PHACTR1: variants seen among roughly 807,000 people sequenced by gnomAD.
The protein encoded by PHACTR1 is RPEL repeat containing 1.
Under a neutral mutation model 69.2 loss-of-function variants are expected in PHACTR1, and 16 were observed. The observed-to-expected ratio is 0.23, with a 90% CI of 0.16 to 0.35. The LOEUF (loss-of-function observed/expected upper bound fraction) is 0.35, where lower values mean the gene tolerates loss of function less well. Ranked by LOEUF, PHACTR1 falls within the 10% of genes least tolerant of loss-of-function variation. PHACTR1 has a pLI of 1.00. For missense variants in PHACTR1, 510 were observed against 734.7 expected (o/e 0.69, Z 3.54); for synonymous variants, 312 against 284.5 (o/e 1.10, Z -0.97).
At chr6:12,912,439 G>A (rs1052342368) in intron 4 of PHACTR1, among the ~76,000 whole-genome samples, 3 of 152,160 alleles carry the variant, frequency 2.0e-5, no homozygotes, top group Admixed American at 2.0e-4. Flanking sequence ...GAGAGACTCC[G>A]TTGTCCAGTT....
At chr6:12,781,333 TAAGG>T (rs1770793459) in intron 4 of PHACTR1, among the ~76,000 whole-genome samples, 1 of 152,124 alleles carries the variant, frequency 6.6e-6, no homozygotes, top group South Asian at 2.1e-4. Context: ...CTGTCAGTGA[TAAGG>T]TCTGTGATTG....
intron 10 of PHACTR1, among the ~76,000 whole-genome samples, chr6:13,232,779 C>T (rs1478722494): frequency 6.6e-6 from 1 of 152,144 alleles, no homozygotes; most frequent in Non-Finnish European, 1.5e-5. Context: ...GGGTGTGGTT[C>T]TGGGCTACTC....
chr6:12,718,679 T>A lies in PHACTR1; in HGVS notation c.-46-20T>A. 1 of 733,430 alleles carries A rather than the reference T, an allele frequency of 1.4e-6. No individual in the cohort carries two copies. 45.4% of individuals were successfully genotyped at this position (733,430 alleles called of 1,614,324 possible). A position where few individuals can be genotyped will look rare whatever the true frequency, so the allele number is the denominator to read the frequency against. ...TACTTGACGTCTAAAATATTGTGGA[T>A]TTTTTTTTCCTCTTTATAGGTGTTC... On this transcript the variant is annotated intron_variant, in intron 2 of 14. Coordinates refer to ENST00000332995, the MANE Select transcript of PHACTR1 (RefSeq NM_030948.6).
At chr6:13,277,890 C>T (rs1234096019) in intron 11 of PHACTR1, 1 of 160,700 alleles carries the variant, frequency 6.2e-6, no homozygotes, top group Non-Finnish European at 1.4e-5. Flanking sequence ...TTCCAGGCTA[C>T]AGTAAGCTAT....
intron 5 of PHACTR1, among the ~76,000 whole-genome samples, chr6:13,097,761 A>T (rs1269770325): frequency 6.6e-6 from 1 of 151,572 alleles, no homozygotes; most frequent in African/African-American, 2.4e-5. Context: ...CCAGAGACTT[A>T]CTCCTCCTCT....
intron 4 of PHACTR1, among the ~76,000 whole-genome samples, chr6:12,776,480 T>C (rs1206356244): frequency 6.6e-6 from 1 of 152,232 alleles, no homozygotes; most frequent in Non-Finnish European, 1.5e-5. Flanking sequence ...GCCACCATCC[T>C]GCAAAGACTT....
At chr6:13,043,426 C>CA (rs112014734) in intron 4 of PHACTR1, among the ~76,000 whole-genome samples, 1,810 of 135,958 alleles carry the variant, frequency 0.013, 33 homozygotes, top group African/African-American at 0.046. Context: ...GATTACATCT[C>CA]AAAAAAAAAA....
intron 4 of PHACTR1, among the ~76,000 whole-genome samples, chr6:12,784,033 C>CA (rs772425560): frequency 6.6e-6 from 1 of 151,938 alleles, no homozygotes. Flanking sequence ...TACATATGCA[C>CA]ACACATATCT....
At chr6:13,031,908 A>T (rs1205991475) in intron 4 of PHACTR1, among the ~76,000 whole-genome samples, 1 of 152,222 alleles carries the variant, frequency 6.6e-6, no homozygotes, top group Non-Finnish European at 1.5e-5. Flanking sequence ...TTTAACCTGT[A>T]TTAAGATGGT....
rs1334413372 is a variant in PHACTR1, at chr6:13,245,441, AT to A, written c.1391+15249del. ...AATTAATGATGTTGAGCATTTTTTC[AT>A]GTTTGTTGGCCACATGGATTTCTGT... On this transcript the variant is annotated intron_variant, in intron 10 of 14. Coordinates refer to ENST00000332995, the MANE Select transcript of PHACTR1 (RefSeq NM_030948.6). This position sits in a 1 kb window ranked among gnomAD's most constrained non-coding sequence, Gnocchi z 4.1. Among the ~76,000 whole-genome samples the A allele has an allele frequency of 6.6e-6, 1 of 152,046 alleles. No individual in the cohort carries two copies.
chr6:12,864,885 C>T (rs182513635), intron 4 of PHACTR1, among the ~76,000 whole-genome samples: 4 of 152,248 alleles, frequency 2.6e-5, no homozygotes, highest in East Asian at 1.9e-4. Flanking sequence ...TTATACAGCC[C>T]GGCATTTATA....
At chr6:12,949,662 C>T (rs964983445) in intron 4 of PHACTR1, among the ~76,000 whole-genome samples, 1 of 152,048 alleles carries the variant, frequency 6.6e-6, no homozygotes, top group African/African-American at 2.4e-5. Context: ...AATATATAAA[C>T]CCTGATATAA....
At chr6:12,866,989 T>C (rs1245498328) in intron 4 of PHACTR1, among the ~76,000 whole-genome samples, 1 of 152,182 alleles carries the variant, frequency 6.6e-6, no homozygotes, top group Non-Finnish European at 1.5e-5. Flanking sequence ...GCCCATTGTG[T>C]TTGCTAAGTT....
intron 4 of PHACTR1, among the ~76,000 whole-genome samples, chr6:12,906,684 T>C (rs1480164316): frequency 1.3e-5 from 2 of 152,218 alleles, no homozygotes; most frequent in Non-Finnish European, 2.9e-5. Context: ...CTCTTGGTTC[T>C]GTTGTCTTCG....
chr6:12,774,616 A>ACTCCTGAC (rs970824523), intron 4 of PHACTR1, among the ~76,000 whole-genome samples: 2 of 151,498 alleles, frequency 1.3e-5, no homozygotes, highest in East Asian at 1.9e-4. Context: ...CTGGTCTCAA[A>ACTCCTGAC]CTCCTGACCT....
intron 5 of PHACTR1, among the ~76,000 whole-genome samples, chr6:13,079,306 G>A (rs1419150401): frequency 6.6e-6 from 1 of 152,074 alleles, no homozygotes; most frequent in Admixed American, 6.6e-5. Flanking sequence ...CTCTGCCCTG[G>A]GTGTTTATAA....
intron 5 of PHACTR1, among the ~76,000 whole-genome samples, chr6:13,091,242 AC>A (rs1228202540): frequency 6.6e-6 from 1 of 151,960 alleles, no homozygotes; most frequent in African/African-American, 2.4e-5. Context: ...CGGGTGATCC[AC>A]CCACCTCAGC....
chr6:12,724,997 T>C (rs934426617), intron 3 of PHACTR1, among the ~76,000 whole-genome samples: 2 of 152,334 alleles, frequency 1.3e-5, no homozygotes, highest in Non-Finnish European at 2.9e-5. Context: ...TCGTCACTGT[T>C]ACTTGTCATA....
At chr6:12,954,007 A>G (rs1791585049) in intron 4 of PHACTR1, among the ~76,000 whole-genome samples, 1 of 152,258 alleles carries the variant, frequency 6.6e-6, no homozygotes, top group Non-Finnish European at 1.5e-5. Flanking sequence ...GTGATGACAT[A>G]GGTGAGGAAA....
Sources: allele counts gnomAD v4.1 joint callset (sites outside exome capture counted in the v4.1 genomes callset), GRCh38; gene constraint gnomAD v4.1.1; non-coding constraint Gnocchi (gnomAD v3.1); transcripts MANE v1.5; gene names NCBI Gene and HGNC (gene_info 2026-07-23, HGNC 2026-07-21).